The following ALG9 variants were observed in gnomAD, a reference collection of about 807,000 sequenced individuals.
The protein encoded by ALG9 is ALG9 alpha-1,2-mannosyltransferase.
In ALG9, 55 loss-of-function variants were observed where a neutral mutation model predicts 81.8. That is an observed-to-expected ratio of 0.67 (90% confidence interval 0.54 to 0.84). ALG9 has a LOEUF of 0.84. Among genes scored for constraint, ALG9 ranks in the 40% least tolerant of loss-of-function variants. The pLI is 0.00. For missense variants in ALG9, 629 were observed against 745.0 expected, an observed-to-expected ratio of 0.84 and a Z score of 1.81; for synonymous variants, 278 against 274.3, an observed-to-expected ratio of 1.01 and a Z score of -0.13.
In ALG9 at chr11:111,809,517, T is replaced by TAC. The variant is rs4026119; in HGVS notation, c.1733+124_1733+125dup. On this transcript the variant is annotated intron_variant, in intron 14 of 14. Transcript: ENST00000616540. ...CCTGGGCAACAGAGTGAGACTCCAT[T>TAC]ACACACACACACACACACACACGAT... 35,392 of 903,906 alleles carry TAC rather than the reference T, an allele frequency of 0.039. 117 individuals are homozygous for TAC. The highest frequency in any genetic ancestry group is 0.079 in the African/African-American group (4,704 of 59,322). The allele number at this position is 903,906 out of a possible 1,614,324, so 56.0% of individuals were successfully genotyped here.
chr11:111,790,565 A>C (rs1247010462), intron 14 of ALG9, among the ~76,000 whole-genome samples: 1 of 152,234 alleles, frequency 6.6e-6, no homozygotes. Context: ...AACAAAGGTA[A>C]AAAATAAAAG....
chr11:111,781,618 TTGAG>T (rs1341762879), downstream of ALG9, among the ~76,000 whole-genome samples: 1 of 152,122 alleles, frequency 6.6e-6, no homozygotes, highest in African/African-American at 2.4e-5. Flanking sequence ...TGTTCATGTA[TTGAG>T]TAATTCCTTT....
At chr11:111,856,341 A>T (rs533403776) in intron 6 of ALG9, among the ~76,000 whole-genome samples, 68 of 151,782 alleles carry the variant, frequency 4.5e-4, no homozygotes, top group African/African-American at 1.6e-3. Context: ...ACAGTAAAAA[A>T]ATGAAAACCA....
At chr11:111,789,007 CT>C (rs553216815) in intron 14 of ALG9, among the ~76,000 whole-genome samples, 61 of 135,634 alleles carry the variant, frequency 4.5e-4, no homozygotes, top group East Asian at 1.4e-3. Context: ...TTTCAACTTT[CT>C]TTTTTTTTTT....
intron 2 of ALG9, 103 bp downstream of exon 2, chr11:111,870,129 T>G (rs1225834438): frequency 2.3e-6 from 3 of 1,280,270 alleles, no homozygotes. Context: ...AATACAGTTA[T>G]TTTACTAGGA....
At chr11:111,869,385 T>TA (rs1963546880) in intron 2 of ALG9, among the ~76,000 whole-genome samples, 1 of 152,160 alleles carries the variant, frequency 6.6e-6, no homozygotes, top group Non-Finnish European at 1.5e-5. Context: ...AGGTAATGTG[T>TA]AAATCAATAA....
chr11:111,831,294 G>A (rs1954329680), intron 13 of ALG9, among the ~76,000 whole-genome samples: 1 of 152,088 alleles, frequency 6.6e-6, no homozygotes, highest in Non-Finnish European at 1.5e-5. Flanking sequence ...TCCCACCTCG[G>A]CCTCCCAAAG....
At chr11:111,776,149 GTTTGAGGCTCAC>G in the ALG9 span, among the ~76,000 whole-genome samples, 1 of 151,794 alleles carries the variant, frequency 6.6e-6, no homozygotes, top group South Asian at 2.1e-4. Context: ...TGGCCCAGAA[GTTTGAGGCTCAC>G]TGCAAAATAA....
intron 9 of ALG9, 92 bp downstream of exon 9, chr11:111,844,509 A>AAT: frequency 1.9e-6 from 3 of 1,575,312 alleles, no homozygotes; most frequent in Non-Finnish European, 2.6e-6. Flanking sequence ...GAATGTGGAA[A>AAT]ATAAAGTAAG....
At chr11:111,862,208 T>C (rs1181720458) in intron 4 of ALG9, among the ~76,000 whole-genome samples, 1 of 152,056 alleles carries the variant, frequency 6.6e-6, no homozygotes, top group Admixed American at 6.5e-5. Flanking sequence ...TGTCAGTTCT[T>C]TCAACTCTGG....
At chr11:111,829,580 C>T (rs930674276) in intron 13 of ALG9, among the ~76,000 whole-genome samples, 12 of 152,142 alleles carry the variant, frequency 7.9e-5, no homozygotes, top group Non-Finnish European at 1.5e-4. Flanking sequence ...CAATTTAATA[C>T]CACTCCAGAT....
chr11:111,776,059 A>T, the ALG9 span, among the ~76,000 whole-genome samples: 19 of 152,180 alleles, frequency 1.2e-4, no homozygotes, highest in East Asian at 3.5e-3. Context: ...AAGCAACTTA[A>T]AGCATTCCTG....
At chr11:111,781,058 TAGG>T (rs1555056733), downstream of ALG9, among the ~76,000 whole-genome samples, 3 of 152,138 alleles carry the variant, frequency 2.0e-5, no homozygotes, top group African/African-American at 7.2e-5. Context: ...CAGTAACAAA[TAGG>T]GAGAAAGATG....
chr11:111,857,062 G>A (rs1024477669), intron 6 of ALG9, among the ~76,000 whole-genome samples: 4 of 152,092 alleles, frequency 2.6e-5, no homozygotes, highest in Non-Finnish European at 4.4e-5. Flanking sequence ...AGCCAACATC[G>A]TGCCATTGCA....
chr11:111,781,061 G>T (rs1213765170), downstream of ALG9, among the ~76,000 whole-genome samples: 1 of 152,150 alleles, frequency 6.6e-6, no homozygotes, highest in Non-Finnish European at 1.5e-5. Flanking sequence ...TAACAAATAG[G>T]GAGAAAGATG....
At chr11:111,771,549 C>A in the ALG9 span, among the ~76,000 whole-genome samples, 2 of 152,218 alleles carry the variant, frequency 1.3e-5, no homozygotes, top group Non-Finnish European at 2.9e-5. Flanking sequence ...TCCACAGTCA[C>A]CCCACTGTGT....
chr11:111,770,750 T>C, the ALG9 span, among the ~76,000 whole-genome samples: 1 of 152,312 alleles, frequency 6.6e-6, no homozygotes, highest in South Asian at 2.1e-4. Flanking sequence ...GCTGGACTTC[T>C]GGAATTTAGC....
intron 3 of ALG9, among the ~76,000 whole-genome samples, 175 bp downstream of exon 3, chr11:111,868,427 T>C (rs1429193068): frequency 6.6e-6 from 1 of 152,262 alleles, no homozygotes; most frequent in East Asian, 1.9e-4. Context: ...TAATACAGTG[T>C]CTACCAAATA....
At chr11:111,793,260 G>C (rs1440236917) in intron 14 of ALG9, among the ~76,000 whole-genome samples, 1 of 152,156 alleles carries the variant, frequency 6.6e-6, no homozygotes, top group East Asian at 1.9e-4. Flanking sequence ...AGGATTACAG[G>C]TATGAGTCAC....
Sources: gnomAD v4.1 joint callset for allele counts (sites outside exome capture counted in the v4.1 genomes callset) on GRCh38, gnomAD v4.1.1 for gene constraint, MANE v1.5 for transcripts, NCBI Gene and HGNC (gene_info 2026-07-23, HGNC 2026-07-21) for gene names.